The following SS18 variants were observed in gnomAD, a reference collection of about 807,000 sequenced individuals.
SS18 encodes the protein protein SSXT.
A neutral mutation model predicts 72.5 loss-of-function variants in SS18; 28 were observed. That is an observed-to-expected ratio of 0.39 (90% confidence interval 0.29 to 0.53). SS18 has a LOEUF of 0.53. Ranked by LOEUF, SS18 falls within the 20% of genes least tolerant of loss-of-function variation. The pLI, the probability that SS18 is intolerant of heterozygous loss-of-function variation, is 0.76. For synonymous variants in SS18, 172 were observed against 164.2 expected (o/e 1.05, Z -0.37); for missense variants, 518 against 535.3 (o/e 0.97, Z 0.32).
Position 26,018,581 on chromosome 18 carries a change from C to A in SS18, c.1231-201G>T, listed in dbSNP as rs141893737. ...ATTATATTCAATTGCAAATGAATTT[C>A]ATAGTCCAAAATATGCTAGGGATTA... On this transcript the variant is annotated intron_variant, in intron 10 of 10. Transcript: ENST00000415083. 7.3e-3 allele frequency among the ~76,000 whole-genome samples: 1,111 copies of A among 152,210 alleles called. 10 individuals are homozygous for A. Among genetic ancestry groups the A allele is most frequent in the African/African-American group, 0.024 (1,017 of 41,530 alleles).
At chr18:26,050,887 C>T (rs1286634465) in intron 5 of SS18, among the ~76,000 whole-genome samples, 1 of 152,000 alleles carries the variant, frequency 6.6e-6, no homozygotes, top group African/African-American at 2.4e-5. Flanking sequence ...CCAGCCTGGG[C>T]AACAGAGCCA....
intron 3 of SS18, among the ~76,000 whole-genome samples, chr18:26,069,734 TAGAA>T (rs2054281283): frequency 6.6e-6 from 1 of 152,172 alleles, no homozygotes; most frequent in Admixed American, 6.5e-5. Flanking sequence ...ACTACCACAA[TAGAA>T]AGAACTATTT....
At chr18:26,064,798 G>A (rs1423377740) in intron 3 of SS18, 1 of 151,906 alleles carries the variant, frequency 6.6e-6, no homozygotes, top group Non-Finnish European at 1.5e-5. Flanking sequence ...AAGAAATAAT[G>A]ATTTAAAAAG....
At chr18:26,063,894 A>G (rs560188901) in intron 3 of SS18, among the ~76,000 whole-genome samples, 120 of 152,268 alleles carry the variant, frequency 7.9e-4, no homozygotes, top group African/African-American at 2.6e-3. Context: ...AGCAGAAATA[A>G]TCAAGAAAAG....
chr18:26,064,058 A>T (rs544380118), intron 3 of SS18, among the ~76,000 whole-genome samples: 1 of 152,276 alleles, frequency 6.6e-6, no homozygotes, highest in East Asian at 1.9e-4. Flanking sequence ...TAATTTAGGT[A>T]AAATGGACAA....
intron 5 of SS18, among the ~76,000 whole-genome samples, chr18:26,046,559 C>T (rs2053827677): frequency 6.6e-6 from 1 of 152,244 alleles, no homozygotes; most frequent in Admixed American, 6.5e-5. Flanking sequence ...CTTCTTTAAG[C>T]ACCTGCAGTG....
At chr18:26,051,443 C>CA (rs1489244655) in intron 5 of SS18, among the ~76,000 whole-genome samples, 1 of 152,206 alleles carries the variant, frequency 6.6e-6, no homozygotes, top group Non-Finnish European at 1.5e-5. Flanking sequence ...AACCATGCTG[C>CA]AGCAACATCC....
chr18:26,027,895 A>G (rs1401001421), intron 10 of SS18, among the ~76,000 whole-genome samples: 1 of 151,976 alleles, frequency 6.6e-6, no homozygotes, highest in Admixed American at 6.6e-5. Context: ...ACCTTCAGTT[A>G]GGTAAAGATT....
chr18:26,035,213 C>A lies in SS18; in HGVS notation c.974-86G>T, dbSNP rs866391576. On this transcript the variant is annotated intron_variant, in intron 8 of 10. Transcript: ENST00000415083. The surrounding 1 kb of genome is among the most constrained non-coding windows in gnomAD (Gnocchi z 4.4). ...CCTCTAAGATGCATAGCCAACAACA[C>A]AAGAACAAAATGAAATGCCATATTG... 7 of 1,410,824 alleles carry A rather than the reference C, an allele frequency of 5.0e-6. No individual in the cohort carries two copies. In the Middle Eastern group the frequency reaches 1.1e-3, roughly 231 times the overall value. The allele number at this position is 1,410,824 out of a possible 1,614,324, so 87.4% of individuals were successfully genotyped here.
Position 26,035,069 on chromosome 18 carries a change from T to C in SS18, c.1032A>G (p.Gly344=). The C allele has an allele frequency of 6.2e-7, 1 of 1,613,566 alleles. No homozygotes were observed. Among genetic ancestry groups the C allele is most frequent in the Non-Finnish European group, 8.5e-7 (1 of 1,179,702 alleles). The stretch of plus-strand genomic sequence containing the variant: ...GGTACTGCTGCTGCTGGGGTGGATA[T>C]CCCTGTTGTGGAGGTGGTCCCTGGT... ...DAYQGPPPQQ[G]YPPQQQQYPG... The change falls in exon 9 of 11, where the codon GGA becomes GGG. Residue 344 remains glycine (G), a synonymous_variant. Transcript: ENST00000415083. The surrounding 1 kb of genome is among the most constrained non-coding windows in gnomAD (Gnocchi z 4.4).
intron 4 of SS18, among the ~76,000 whole-genome samples, chr18:26,055,170 T>C (rs1246138135): frequency 6.6e-5 from 10 of 152,078 alleles, no homozygotes; most frequent in Admixed American, 6.6e-4. Flanking sequence ...TTTTAAAAAA[T>C]CAATTAATTT....
chr18:26,042,044 A>G (rs143145387), intron 5 of SS18, among the ~76,000 whole-genome samples: 131 of 152,290 alleles, frequency 8.6e-4, no homozygotes, highest in African/African-American at 3.1e-3. Flanking sequence ...AGCCTTATCC[A>G]TTAAAGAAAA....
intron 2 of SS18, among the ~76,000 whole-genome samples, chr18:26,080,078 T>C (rs2054489226): frequency 6.6e-6 from 1 of 152,222 alleles, no homozygotes; most frequent in Non-Finnish European, 1.5e-5. Context: ...GATACATCTT[T>C]GATAGTGAAC....
Position 26,035,391 on chromosome 18 carries a change from G to A in SS18, c.974-264C>T. Reference sequence around the variant, plus strand: ...GCATTACATTTACTGGAACATCACAGTCATAAGATCATGACTATGCTAAAT... The same window carrying A: ...GCATTACATTTACTGGAACATCACAATCATAAGATCATGACTATGCTAAAT... On this transcript the variant is annotated intron_variant, in intron 8 of 10. Coordinates refer to ENST00000415083, the MANE Select transcript of SS18 (RefSeq NM_001007559.3). The surrounding 1 kb of genome is among the most constrained non-coding windows in gnomAD (Gnocchi z 4.4). The A allele has an allele frequency of 4.8e-6, 2 of 420,244 alleles. No homozygotes were observed. The highest frequency in any genetic ancestry group is 3.9e-5 in the Admixed American group (1 of 25,836). 26.0% of individuals were successfully genotyped at this position (420,244 alleles called of 1,614,324 possible).
chr18:26,079,288 T>C lies in SS18; in HGVS notation c.147-1128A>G, dbSNP rs2054474917. On this transcript the variant is annotated intron_variant, in intron 2 of 10. Transcript: ENST00000415083. ...ACCTATGAATTAGTTTAGCTAAGCT[T>C]CTCTTCACAATTTTAACAAATTAAC... 3 of 152,202 alleles carry C rather than the reference T, an allele frequency of 2.0e-5. No individual in the cohort carries two copies. The South Asian group carries it at 6.2e-4, about 32-fold the overall frequency. The allele number at this position is 152,202 out of a possible 1,614,324, so 9.4% of individuals were successfully genotyped here. A position where few individuals can be genotyped will look rare whatever the true frequency, so the allele number is the denominator to read the frequency against.
chr18:26,072,593 C>T (rs997493672), intron 3 of SS18, among the ~76,000 whole-genome samples: 1 of 151,840 alleles, frequency 6.6e-6, no homozygotes, highest in Non-Finnish European at 1.5e-5. Flanking sequence ...GTCAGGAGAT[C>T]GAGACCATCC....
intron 5 of SS18, among the ~76,000 whole-genome samples, chr18:26,051,469 C>A (rs2053922880): frequency 6.6e-6 from 1 of 152,078 alleles, no homozygotes; most frequent in Admixed American, 6.5e-5. Flanking sequence ...TTGTGCACAC[C>A]ATACCTTTTC....
At chr18:26,050,005 G>A (rs955655960) in intron 5 of SS18, among the ~76,000 whole-genome samples, 6 of 152,302 alleles carry the variant, frequency 3.9e-5, no homozygotes, top group East Asian at 3.9e-4. Context: ...CCAACACTTC[G>A]GGAGGCTGAG....
chr18:26,090,432 C>T, intron 1 of SS18, 69 bp downstream of exon 1: 2 of 1,498,168 alleles, frequency 1.3e-6, no homozygotes, highest in Non-Finnish European at 1.8e-6. Flanking sequence ...CGGGCCCGGC[C>T]CTTCCCCCCG....
Sources: gnomAD v4.1 joint callset for allele counts (sites outside exome capture counted in the v4.1 genomes callset) on GRCh38, gnomAD v4.1.1 for gene constraint, Gnocchi (gnomAD v3.1) non-coding constraint, MANE v1.5 for transcripts, NCBI Gene and HGNC (gene_info 2026-07-23, HGNC 2026-07-21) for gene names.